The following FLI1 variants were observed in gnomAD, a reference collection of about 807,000 sequenced individuals.
FLI1 encodes Fli-1 proto-oncogene, ETS transcription factor, also known as Friend leukemia integration 1 transcription factor.
A neutral mutation model predicts 53.1 loss-of-function variants in FLI1; 13 were observed. That is an observed-to-expected ratio of 0.24 (90% CI 0.16 to 0.39). The LOEUF (loss-of-function observed/expected upper bound fraction) is 0.39, where lower values mean the gene tolerates loss of function less well. Among genes scored for constraint, FLI1 ranks in the 10% least tolerant of loss-of-function variants. The probability of loss-of-function intolerance (pLI) is 1.00; values close to 1 mark genes in which losing one functional copy is unlikely to be tolerated. For missense variants in FLI1, 424 were observed against 600.5 expected (o/e 0.71, Z 3.07); for synonymous variants, 244 against 236.7 (o/e 1.03, Z -0.28).
At chr11:128,764,898 C>G (rs1941272374) in intron 2 of FLI1, 8 of 1,474,548 alleles carry the variant, frequency 5.4e-6, no homozygotes, top group Non-Finnish European at 7.4e-6. Flanking sequence ...CAGGATGGTG[C>G]CAGCCCTTCT....
intron 1 of FLI1, among the ~76,000 whole-genome samples, chr11:128,716,040 A>G (rs1938995537): frequency 1.3e-5 from 2 of 152,312 alleles, no homozygotes; most frequent in East Asian, 1.9e-4. Context: ...AAGCATTTGC[A>G]TGGTTAGAAG....
At chr11:128,768,908 G>A (rs1036280200) in intron 3 of FLI1, among the ~76,000 whole-genome samples, 3 of 152,194 alleles carry the variant, frequency 2.0e-5, no homozygotes, top group Non-Finnish European at 4.4e-5. Context: ...CGTGAGCTCT[G>A]GATGTGGGCA....
intron 2 of FLI1, among the ~76,000 whole-genome samples, chr11:128,765,765 CGTGA>C (rs1452147080): frequency 6.6e-6 from 1 of 152,086 alleles, no homozygotes; most frequent in Non-Finnish European, 1.5e-5. Flanking sequence ...AGACCATGTG[CGTGA>C]GTGTGTGTGT....
intron 4 of FLI1, among the ~76,000 whole-genome samples, chr11:128,775,915 G>A (rs546515418): frequency 2.6e-5 from 4 of 152,278 alleles, no homozygotes; most frequent in South Asian, 2.1e-4. Flanking sequence ...GAGCAGAATC[G>A]GGGACCTGAG....
chr11:128,795,752 A>T (rs1942421842), intron 5 of FLI1, among the ~76,000 whole-genome samples: 1 of 152,048 alleles, frequency 6.6e-6, no homozygotes, highest in Non-Finnish European at 1.5e-5. Context: ...TGGTTTCACC[A>T]TGTTAGTCAG....
chr11:128,762,323 C>A (rs1941153282), intron 2 of FLI1, among the ~76,000 whole-genome samples: 2 of 152,180 alleles, frequency 1.3e-5, no homozygotes, highest in Non-Finnish European at 2.9e-5. Context: ...TGATTCTGAA[C>A]TTCAGATGAG....
intron 1 of FLI1, among the ~76,000 whole-genome samples, chr11:128,753,123 C>A (rs1565482587): frequency 6.6e-6 from 1 of 152,226 alleles, no homozygotes; most frequent in Admixed American, 6.5e-5. Context: ...CCCTCTGGAT[C>A]TAGGACTCAG....
chr11:128,793,538 G>C (rs899187736), intron 5 of FLI1, among the ~76,000 whole-genome samples: 2 of 152,130 alleles, frequency 1.3e-5, no homozygotes, highest in African/African-American at 4.8e-5. Flanking sequence ...GAGAAGAAAG[G>C]CACCTTCCTG....
chr11:128,706,987 T>C (rs1482925288), intron 1 of FLI1, among the ~76,000 whole-genome samples: 1 of 152,152 alleles, frequency 6.6e-6, no homozygotes, highest in African/African-American at 2.4e-5. Flanking sequence ...TAGTTGAAAA[T>C]GGATTTAAAG....
At chr11:128,709,281 C>G (rs1469687831) in intron 1 of FLI1, among the ~76,000 whole-genome samples, 1 of 152,202 alleles carries the variant, frequency 6.6e-6, no homozygotes, top group Non-Finnish European at 1.5e-5. Flanking sequence ...TGCTGTGCAA[C>G]TGCTAGTTGT....
chr11:128,743,404 CT>C (rs1342080834), intron 1 of FLI1, among the ~76,000 whole-genome samples: 1 of 123,410 alleles, frequency 8.1e-6, no homozygotes, highest in East Asian at 2.3e-4. Context: ...GACCATGTCT[CT>C]AAAAAAAAAA....
At chr11:128,686,914 G>A (rs1865814444) in intron 1 of FLI1, 1 of 158,128 alleles carries the variant, frequency 6.3e-6, no homozygotes, top group African/African-American at 2.4e-5. Context: ...GCTCCTGGCG[G>A]CTAGTGTTTG....
intron 1 of FLI1, among the ~76,000 whole-genome samples, chr11:128,713,711 G>T (rs1205814819): frequency 6.6e-6 from 1 of 152,146 alleles, no homozygotes; most frequent in Non-Finnish European, 1.5e-5. Flanking sequence ...ACAACGTGGG[G>T]ACCTAACCTA....
At chr11:128,779,872 A>T (rs1364676033) in intron 4 of FLI1, among the ~76,000 whole-genome samples, 2 of 152,240 alleles carry the variant, frequency 1.3e-5, no homozygotes, top group African/African-American at 4.8e-5. Flanking sequence ...AGCCTACTAC[A>T]CACTGAGGCT....
At chr11:128,795,543 T>C (rs1942410049) in intron 5 of FLI1, among the ~76,000 whole-genome samples, 1 of 147,242 alleles carries the variant, frequency 6.8e-6, no homozygotes, top group Admixed American at 7.0e-5. Context: ...TAGGATGCGT[T>C]AGAATATAGA....
chr11:128,758,617 T>C (rs1409070072), intron 2 of FLI1, among the ~76,000 whole-genome samples: 1 of 152,208 alleles, frequency 6.6e-6, no homozygotes, highest in Non-Finnish European at 1.5e-5. Flanking sequence ...TTATTTCTTG[T>C]TAATCCCAGG....
chr11:128,738,645 T>G (rs1046437977), intron 1 of FLI1, among the ~76,000 whole-genome samples: 2 of 152,244 alleles, frequency 1.3e-5, no homozygotes, highest in Admixed American at 6.5e-5. Flanking sequence ...TCAGGCGCAG[T>G]TTCTTTACCT....
chr11:128,710,549 CTG>C (rs1487968909), intron 1 of FLI1, among the ~76,000 whole-genome samples: 13 of 152,030 alleles, frequency 8.6e-5, no homozygotes, highest in African/African-American at 2.9e-4. Context: ...AAAGAGCATG[CTG>C]TGTTTTTCCA....
chr11:128,687,257 G>A (rs1937597074), intron 1 of FLI1, among the ~76,000 whole-genome samples: 1 of 151,826 alleles, frequency 6.6e-6, no homozygotes, highest in African/African-American at 2.4e-5. Context: ...ACAGCACATC[G>A]AAGGGTTTTG....
Sources: allele counts gnomAD v4.1 joint callset (sites outside exome capture counted in the v4.1 genomes callset), GRCh38; gene constraint gnomAD v4.1.1; transcripts MANE v1.5; gene names NCBI Gene and HGNC (gene_info 2026-07-23, HGNC 2026-07-21).